Variants in DPY19L2 observed in about 807,000 individuals in gnomAD.
The protein encoded by DPY19L2 is probable C-mannosyltransferase DPY19L2.
A neutral mutation model predicts 97.9 loss-of-function variants in DPY19L2; 34 were observed. The ratio of observed to expected loss-of-function variants is 0.35; its 90% CI spans 0.26 to 0.46. DPY19L2 has a LOEUF of 0.46. DPY19L2 is among the 20% of genes least tolerant of loss of function. DPY19L2 has a pLI of 1.00. For synonymous variants in DPY19L2, 230 were observed against 307.9 expected (o/e 0.75, Z 2.65); for missense variants, 623 against 911.4 (o/e 0.68, Z 4.07).
At chr12:63,656,159 C>CT (rs1245195162) in intron 4 of DPY19L2, among the ~76,000 whole-genome samples, 1 of 152,150 alleles carries the variant, frequency 6.6e-6, no homozygotes, top group Admixed American at 6.5e-5. Context: ...AAGCAATGTT[C>CT]TTTTTGGCTT....
chr12:63,615,188 C>T (rs1041056850), intron 11 of DPY19L2, among the ~76,000 whole-genome samples: 3 of 151,982 alleles, frequency 2.0e-5, no homozygotes, highest in African/African-American at 7.2e-5. Context: ...CTAATGAAAC[C>T]TAAACACACA....
chr12:63,645,739 T>C (rs1893322388), intron 5 of DPY19L2, among the ~76,000 whole-genome samples: 1 of 152,182 alleles, frequency 6.6e-6, no homozygotes, highest in Non-Finnish European at 1.5e-5. Flanking sequence ...AAATTCTCTC[T>C]CATACCCAGG....
At chr12:63,591,008 T>A in intron 16 of DPY19L2, 1 of 454,006 alleles carries the variant, frequency 2.2e-6, no homozygotes, top group South Asian at 1.6e-5. Context: ...CCCTTCAATC[T>A]TCTATTATCC....
intron 15 of DPY19L2, among the ~76,000 whole-genome samples, chr12:63,594,579 GTA>G (rs1474582722): frequency 1.5e-5 from 2 of 133,096 alleles, no homozygotes; most frequent in African/African-American, 6.4e-5. Context: ...AGGGATGTTT[GTA>G]TGTGTGTGTG....
chr12:63,600,190 C>A, intron 13 of DPY19L2, 116 bp downstream of exon 13: 1 of 797,056 alleles, frequency 1.3e-6, no homozygotes, highest in Non-Finnish European at 2.1e-6. Context: ...CGTCTAGAGA[C>A]CTTAGAGAAG....
At chr12:63,588,744 T>C (rs1237765685) in intron 16 of DPY19L2, among the ~76,000 whole-genome samples, 1 of 132,774 alleles carries the variant, frequency 7.5e-6, no homozygotes, top group Non-Finnish European at 1.6e-5. Context: ...AAGGAAACTT[T>C]CTTTTTTTTT....
intron 21 of DPY19L2, among the ~76,000 whole-genome samples, chr12:63,565,212 C>T (rs1029197561): frequency 3.3e-5 from 5 of 152,138 alleles, no homozygotes; most frequent in East Asian, 1.9e-4. Context: ...GAGCTATATT[C>T]GTTTCCTATT....
intron 12 of DPY19L2, among the ~76,000 whole-genome samples, chr12:63,604,166 C>T (rs1013333134): frequency 2.0e-5 from 3 of 152,220 alleles, no homozygotes; most frequent in African/African-American, 7.2e-5. Flanking sequence ...TCTGCCCCAA[C>T]CTTCTGGCTT....
rs536030178 is a variant in DPY19L2 at position 63,650,417 on chromosome 12, G to T, written c.589-3052C>A. Among the ~76,000 whole-genome samples, 22 of 152,100 alleles carry T rather than the reference G, an allele frequency of 1.4e-4. No homozygotes were observed. The South Asian group carries it at 3.3e-3, about 23-fold the overall frequency. The stretch of plus-strand genomic sequence containing the variant: ...AACAATATAATTTTATACCTAGAAA[G>T]CCCCATAGTCTCTTACTAAAAGCTC... On this transcript the variant is annotated intron_variant, in intron 4 of 21. Coordinates refer to ENST00000324472, the MANE Select transcript of DPY19L2 (RefSeq NM_173812.5).
chr12:63,580,857 T>C (rs1339456513), intron 18 of DPY19L2, 21 bp from the exon 19 acceptor site: 14 of 1,607,184 alleles, frequency 8.7e-6, no homozygotes, highest in Non-Finnish European at 1.1e-5. Context: ...AGAAACCGTT[T>C]ATTTCTAGTT....
At chr12:63,591,284 G>A (rs1480113466) in intron 16 of DPY19L2, among the ~76,000 whole-genome samples, 1 of 151,976 alleles carries the variant, frequency 6.6e-6, no homozygotes, top group Non-Finnish European at 1.5e-5. Context: ...TCTTTCTACT[G>A]TCTTCACAAT....
intron 6 of DPY19L2, among the ~76,000 whole-genome samples, chr12:63,639,683 T>C (rs1387357670): frequency 6.6e-6 from 1 of 152,066 alleles, no homozygotes; most frequent in Non-Finnish European, 1.5e-5. Context: ...ATGGCAATCA[T>C]TAAAAAGTCA....
intron 19 of DPY19L2, among the ~76,000 whole-genome samples, chr12:63,574,922 G>A (rs1166981071): frequency 1.3e-5 from 2 of 151,920 alleles, no homozygotes; most frequent in Non-Finnish European, 1.5e-5. Flanking sequence ...AATCAACAAA[G>A]AAACACTGAA....
Position 63,631,129 on chromosome 12 carries a change from T to C in DPY19L2, c.804-4603A>G, listed in dbSNP as rs1050449428. ...AAGAGAAAGCAGGACAGATCTAAAA[T>C]TGACACCCTAACATCACAATTAAAA... On this transcript the variant is annotated intron_variant, in intron 6 of 21. Transcript: ENST00000324472. Among the ~76,000 whole-genome samples the C allele has an allele frequency of 2.8e-4, 42 of 151,896 alleles. 1 individual carries two copies. The highest frequency in any genetic ancestry group is 8.5e-4 in the African/African-American group (35 of 41,348).
At chr12:63,643,090 T>C in intron 6 of DPY19L2, among the ~76,000 whole-genome samples, 1 of 152,102 alleles carries the variant, frequency 6.6e-6, no homozygotes. Context: ...TAATTTTGAG[T>C]TTAAATATTA....
intron 4 of DPY19L2, among the ~76,000 whole-genome samples, chr12:63,660,341 A>C (rs990583388): frequency 2.0e-5 from 3 of 151,834 alleles, no homozygotes; most frequent in African/African-American, 7.3e-5. Context: ...AAATATATAT[A>C]TACAGAAAGT....
At chr12:63,657,168 G>A (rs551492313) in intron 4 of DPY19L2, among the ~76,000 whole-genome samples, 18 of 152,226 alleles carry the variant, frequency 1.2e-4, no homozygotes, top group East Asian at 1.9e-4. Flanking sequence ...CTTTCTTACC[G>A]TTAGGTCTTT....
chr12:63,570,398 C>T (rs1260409892), intron 20 of DPY19L2, among the ~76,000 whole-genome samples: 1 of 151,980 alleles, frequency 6.6e-6, no homozygotes, highest in Non-Finnish European at 1.5e-5. Flanking sequence ...TGGTGTAGAG[C>T]AGGGGTTGGC....
At chr12:63,650,293 C>T (rs996132220) in intron 4 of DPY19L2, among the ~76,000 whole-genome samples, 6 of 152,036 alleles carry the variant, frequency 3.9e-5, no homozygotes, top group Non-Finnish European at 8.8e-5. Context: ...CACTCCTATT[C>T]AACATAGTAC....
Sources: allele counts gnomAD v4.1 joint callset (sites outside exome capture counted in the v4.1 genomes callset), GRCh38; gene constraint gnomAD v4.1.1; transcripts MANE v1.5; gene names NCBI Gene and HGNC (gene_info 2026-07-23, HGNC 2026-07-21).